The following IQCK variants were observed in gnomAD, a reference collection of about 807,000 sequenced individuals.
IQCK encodes the protein IQ domain-containing protein K.
Under a neutral mutation model 28.1 loss-of-function variants are expected in IQCK, and 29 were observed. That is an observed-to-expected ratio of 1.03 (90% CI 0.77 to 1.41). The LOEUF (loss-of-function observed/expected upper bound fraction) is 1.41. IQCK is among the 40% of genes most tolerant of loss of function. IQCK has a pLI of 0.00. For missense variants in IQCK, 359 were observed against 314.7 expected (o/e 1.14, Z -1.07); for synonymous variants, 113 against 115.1 (o/e 0.98, Z 0.12).
At chr16:19,744,170 TTA>T (rs534993059) in intron 4 of IQCK, among the ~76,000 whole-genome samples, 11 of 152,236 alleles carry the variant, frequency 7.2e-5, no homozygotes, top group Non-Finnish European at 1.5e-4. Flanking sequence ...TGTGATTCTT[TTA>T]TATATATCAT....
rs766786974 is a variant in IQCK, at chr16:19,827,049, A to G, written c.714A>G (p.Gln238=). 13 of 1,613,988 alleles carry G rather than the reference A, an allele frequency of 8.1e-6. No homozygotes were observed. The East Asian group carries it at 2.2e-4, about 28-fold the overall frequency. ...AGGTTCGCTGTGATCCTGAGATTCA[A>G]GAACTGCGTCAGTGGCAGAAGAAAC... The change falls in exon 8 of 8, where the codon CAA becomes CAG. Residue 238 remains glutamine, a synonymous_variant. Coordinates refer to ENST00000564186, the Ensembl canonical transcript of IQCK.
At chr16:19,829,314 C>T (rs189419017), downstream of IQCK, among the ~76,000 whole-genome samples, 45 of 151,490 alleles carry the variant, frequency 3.0e-4, no homozygotes, top group Non-Finnish European at 5.2e-4. Context: ...CCTTCTTCAC[C>T]GTGAGACTCT....
intron 1 of IQCK, among the ~76,000 whole-genome samples, chr16:19,719,911 G>A (rs904823415): frequency 1.3e-5 from 2 of 151,974 alleles, no homozygotes; most frequent in Non-Finnish European, 2.9e-5. Context: ...GACCTCAGGT[G>A]ATCTACCTGC....
At chr16:19,858,458 A>G (rs1157530765) in exon 10 of IQCK, 1 of 676,050 alleles carries the variant, frequency 1.5e-6, no homozygotes, top group Non-Finnish European at 2.7e-6. Flanking sequence ...TAAAGAACTT[A>G]GAAAACGAAC....
At chr16:19,767,424 T>C (rs1352932797) in intron 6 of IQCK, among the ~76,000 whole-genome samples, 2 of 152,108 alleles carry the variant, frequency 1.3e-5, no homozygotes, top group Non-Finnish European at 2.9e-5. Flanking sequence ...AAGGGCACCA[T>C]GGTTTTTCCC....
chr16:19,848,903 T>G (rs2056445073), intron 9 of IQCK, among the ~76,000 whole-genome samples: 1 of 152,112 alleles, frequency 6.6e-6, no homozygotes, highest in African/African-American at 2.4e-5. Flanking sequence ...TAGCAAACAT[T>G]TCATAATTAT....
At chr16:19,855,070 CAAACAT>C (rs2056540084) in intron 9 of IQCK, among the ~76,000 whole-genome samples, 2 of 152,098 alleles carry the variant, frequency 1.3e-5, no homozygotes, top group Admixed American at 1.3e-4. Context: ...TGATAGTTGT[CAAACAT>C]AGAAAATAAG....
At chr16:19,735,766 A>G in intron 4 of IQCK, 1 of 368,308 alleles carries the variant, frequency 2.7e-6, no homozygotes, top group Non-Finnish European at 5.1e-6. Context: ...ACATGCACTG[A>G]TTAAAGCTCT....
chr16:19,754,302 A>G (rs2151701561), intron 4 of IQCK, among the ~76,000 whole-genome samples: 1 of 152,330 alleles, frequency 6.6e-6, no homozygotes, highest in East Asian at 1.9e-4. Flanking sequence ...AGACTGGAAC[A>G]ATGCACTTTG....
chr16:19,830,014 CGAATGAATGAAT>C (rs36097422), downstream of IQCK, among the ~76,000 whole-genome samples: 55 of 151,490 alleles, frequency 3.6e-4, no homozygotes, highest in Middle Eastern at 3.4e-3. Context: ...ATCAGTTGAA[CGAATGAATGAAT>C]GAATGAATGA....
chr16:19,812,821 G>A (rs1489086514), intron 7 of IQCK, among the ~76,000 whole-genome samples: 6 of 152,096 alleles, frequency 3.9e-5, no homozygotes, highest in South Asian at 4.2e-4. Context: ...AAAGAAAAAG[G>A]CAATTCATTG....
At chr16:19,731,648 A>T (rs1032562891) in intron 2 of IQCK, among the ~76,000 whole-genome samples, 4 of 152,206 alleles carry the variant, frequency 2.6e-5, no homozygotes, top group Non-Finnish European at 4.4e-5. Flanking sequence ...TTGATTGTTT[A>T]TTAATGGTCT....
At chr16:19,844,515 G>T (rs2056394361) in intron 9 of IQCK, among the ~76,000 whole-genome samples, 1 of 152,196 alleles carries the variant, frequency 6.6e-6, no homozygotes. Context: ...ACAGACAAAA[G>T]TGGACAGATT....
rs2056506188 is a variant in IQCK at position 19,853,008 on chromosome 16, G to C, written c.803-3479G>C. ...GTGTTGTATAATCACTGGTCAAGTA[G>C]ACCACAATTGGTTTATCCAGTCAAC... On this transcript the variant is annotated intron_variant, in intron 9 of 9. Transcript: ENST00000320394. 2.0e-5 allele frequency among the ~76,000 whole-genome samples: 3 copies of C among 152,264 alleles called. No individual in the cohort carries two copies. The South Asian group carries it at 6.2e-4, about 32-fold the overall frequency.
At chr16:19,726,846 C>A (rs1053843337) in intron 1 of IQCK, among the ~76,000 whole-genome samples, 5 of 152,000 alleles carry the variant, frequency 3.3e-5, no homozygotes, top group Non-Finnish European at 7.4e-5. Context: ...AAAAGATAGT[C>A]ATTAATGCCG....
chr16:19,718,633 A>G (rs970322368), intron 1 of IQCK, 146 bp downstream of exon 1: 15 of 698,924 alleles, frequency 2.1e-5, no homozygotes, highest in Non-Finnish European at 3.1e-5. Flanking sequence ...CATTTTACGC[A>G]TGGGGAAACT....
chr16:19,764,078 T>A, exon 6 of IQCK: 1 of 1,613,916 alleles, frequency 6.2e-7, no homozygotes, highest in Non-Finnish European at 8.5e-7. Flanking sequence ...AGAATTTTTC[T>A]CCATTCCATT....
chr16:19,757,897 C>T (rs1240409170), intron 4 of IQCK, among the ~76,000 whole-genome samples: 2 of 152,222 alleles, frequency 1.3e-5, no homozygotes, highest in Non-Finnish European at 2.9e-5. Flanking sequence ...ATCCATCCCT[C>T]TATTCATTCA....
At chr16:19,844,300 A>G (rs560252814) in intron 9 of IQCK, among the ~76,000 whole-genome samples, 1 of 152,100 alleles carries the variant, frequency 6.6e-6, no homozygotes, top group Non-Finnish European at 1.5e-5. Flanking sequence ...GGCGGTGTTG[A>G]ACTCCTGACC....
Sources: allele counts gnomAD v4.1 joint callset (sites outside exome capture counted in the v4.1 genomes callset), GRCh38; gene constraint gnomAD v4.1.1; transcripts MANE v1.5; gene names NCBI Gene and HGNC (gene_info 2026-07-23, HGNC 2026-07-21).